The following ZNHIT3 variants were observed in gnomAD, a reference collection of about 807,000 sequenced individuals.
ZNHIT3 encodes zinc finger HIT domain-containing protein 3.
In ZNHIT3, 27 loss-of-function variants were observed where a neutral mutation model predicts 19.9. That is an observed-to-expected ratio of 1.36 (90% CI 1.00 to 1.87). ZNHIT3 has a LOEUF of 1.87. Among genes scored for constraint, ZNHIT3 ranks in the 40% most tolerant of loss-of-function variants. ZNHIT3 has a pLI of 0.00. For missense variants in ZNHIT3, 215 were observed against 185.6 expected, an observed-to-expected ratio of 1.16 and a Z score of -0.92; for synonymous variants, 81 against 65.7, an observed-to-expected ratio of 1.23 and a Z score of -1.13.
chr17:36,492,922 A>G (rs1303322248), intron 3 of ZNHIT3, 23 bp downstream of exon 3: 10 of 1,606,586 alleles, frequency 6.2e-6, no homozygotes, highest in African/African-American at 5.4e-5. Flanking sequence ...ACTTCAAACA[A>G]ATCTACAAGG....
intron 2 of ZNHIT3, chr17:36,489,142 G>GT (rs1037009849): frequency 2.0e-5 from 3 of 152,200 alleles, no homozygotes; most frequent in South Asian, 2.1e-4. Context: ...GGATTTCATG[G>GT]TTTTTTATGG....
intron 2 of ZNHIT3, among the ~76,000 whole-genome samples, chr17:36,487,255 T>G (rs998637704): frequency 6.7e-6 from 1 of 149,686 alleles, no homozygotes; most frequent in Admixed American, 6.7e-5. Context: ...AGAAATAGTT[T>G]CCGATTGCTT....
chr17:36,486,853 G>A (rs2070567313), intron 1 of ZNHIT3, 68 bp downstream of exon 1: 1 of 1,587,012 alleles, frequency 6.3e-7, no homozygotes, highest in Non-Finnish European at 8.6e-7. Flanking sequence ...GGGAGGCCGG[G>A]AGGCCGGGCG....
downstream of ZNHIT3, chr17:36,499,265 C>CTT: frequency 1.4e-6 from 1 of 712,604 alleles, no homozygotes; most frequent in Non-Finnish European, 2.3e-6. Flanking sequence ...GTTTCAAATA[C>CTT]GTTTTTTTTT....
chr17:36,491,536 G>A (rs2070726523), intron 2 of ZNHIT3: 1 of 152,110 alleles, frequency 6.6e-6, no homozygotes, highest in South Asian at 2.1e-4. Context: ...TGGACTCCTG[G>A]GCTTAAGCAG....
rs1246032479 is a variant in ZNHIT3, at chr17:36,494,133, T to G, written c.286+127T>G. 6 of 675,180 alleles carry G rather than the reference T, an allele frequency of 8.9e-6. No homozygotes were observed. In the Admixed American group the frequency reaches 1.5e-4, roughly 17 times the overall value. 41.8% of individuals were successfully genotyped at this position (675,180 alleles called of 1,614,324 possible). ...GTAGGGCTCTTACTATCTAGCCACA[T>G]AATCTGTAAACATACAGGGTTTCAC... On this transcript the variant is annotated intron_variant, in intron 4 of 4. Transcript: ENST00000617429.
At chr17:36,487,532 G>C (rs2070601680) in intron 2 of ZNHIT3, among the ~76,000 whole-genome samples, 1 of 152,228 alleles carries the variant, frequency 6.6e-6, no homozygotes, top group Admixed American at 6.5e-5. Context: ...GGTGGCTCAC[G>C]CCTGTGGTCC....
Position 36,486,945 on chromosome 17 carries a change from GTCTGCT to G in ZNHIT3, c.100_105del (p.Cys34_Phe35del). 1.9e-6 allele frequency: 3 copies of G among 1,611,532 alleles called. No individual in the cohort carries two copies. The highest frequency in any genetic ancestry group is 2.5e-6 in the Non-Finnish European group (3 of 1,179,546). On this transcript the variant is annotated inframe_deletion, in exon 2 of 5. Coordinates refer to ENST00000617429, the MANE Select transcript of ZNHIT3 (RefSeq NM_004773.4). ...CCTCTGTTGTTACAGCTGCTCGGTA[GTCTGCT>G]TCCGGAAGCACAAAGGTGAGCCCCG... is the stretch of plus-strand genomic sequence containing the variant.
Position 36,495,485 on chromosome 17 carries a change from G to GGGGCTGGGGAGCT in ZNHIT3, c.*82_*94dup. Reference sequence around the variant, plus strand: ...CTCCCTCTCCCAGACCAGCTAGTTTGGGGCTGGGGAGCTCAGGCAAAAGAG... The same window carrying GGGGCTGGGGAGCT: ...CTCCCTCTCCCAGACCAGCTAGTTTGGGGCTGGGGAGCTGGGCTGGGGAGCTCAGGCAAAAGAG... On this transcript the variant is annotated 3_prime_UTR_variant, in exon 5 of 5. Transcript: ENST00000617429. 6.9e-7 allele frequency: 1 copy of GGGGCTGGGGAGCT among 1,447,802 alleles called. No individual in the cohort carries two copies. Among genetic ancestry groups the GGGGCTGGGGAGCT allele is most frequent in the Non-Finnish European group, 9.1e-7 (1 of 1,102,852 alleles). The allele number at this position is 1,447,802 out of a possible 1,614,324, so 89.7% of individuals were successfully genotyped here. A position where few individuals can be genotyped will look rare whatever the true frequency, so the allele number is the denominator to read the frequency against.
chr17:36,492,529 A>G (rs2070750475), intron 2 of ZNHIT3: 3 of 411,276 alleles, frequency 7.3e-6, no homozygotes, highest in Non-Finnish European at 1.3e-5. Context: ...GCTATTTCAA[A>G]CACCTCAGTT....
intron 2 of ZNHIT3, among the ~76,000 whole-genome samples, chr17:36,487,652 G>A (rs562272830): frequency 1.3e-5 from 2 of 152,058 alleles, no homozygotes; most frequent in African/African-American, 4.8e-5. Context: ...AAATTAGGCG[G>A]GCGAGGTGCG....
At position 36,486,921 on chromosome 17, in the gene ZNHIT3, C is replaced by T. The variant is rs749525653; in HGVS notation, c.87-14C>T. ...CCTCGGGGCTGACGCGGCCTGTGGC[C>T]TCTGTTGTTACAGCTGCTCGGTAGT... On this transcript the variant is annotated splice_polypyrimidine_tract_variant and intron_variant, in intron 1 of 4. Transcript: ENST00000617429. 38 of 1,608,654 alleles carry T rather than the reference C, an allele frequency of 2.4e-5. No individual in the cohort carries two copies. Among genetic ancestry groups the T allele is most frequent in the Non-Finnish European group, 3.0e-5 (35 of 1,178,692 alleles).
At chr17:36,493,670 A>G (rs2070777791) in intron 3 of ZNHIT3, among the ~76,000 whole-genome samples, 1 of 152,252 alleles carries the variant, frequency 6.6e-6, no homozygotes, top group Admixed American at 6.5e-5. Flanking sequence ...AGGACCACAT[A>G]TACAGTAAGG....
intron 2 of ZNHIT3, among the ~76,000 whole-genome samples, chr17:36,487,392 A>C (rs1281575556): frequency 6.6e-6 from 1 of 152,226 alleles, no homozygotes; most frequent in East Asian, 1.9e-4. Context: ...GTTAGAAACA[A>C]AGAGGTAAGT....
chr17:36,497,413 G>A (rs2071089108), downstream of ZNHIT3, among the ~76,000 whole-genome samples: 1 of 151,862 alleles, frequency 6.6e-6, no homozygotes, highest in Non-Finnish European at 1.5e-5. Flanking sequence ...ATACAATTTG[G>A]GGAAAACATG....
downstream of ZNHIT3, chr17:36,499,104 CTG>C (rs866388163): frequency 9.3e-6 from 15 of 1,610,516 alleles, no homozygotes; most frequent in Admixed American, 1.7e-5. Flanking sequence ...CGCTTGATGA[CTG>C]TGGCAGCTGC....
chr17:36,486,834 C>A (rs576252506), intron 1 of ZNHIT3, 49 bp downstream of exon 1: 2 of 801,716 alleles, frequency 2.5e-6, no homozygotes, highest in East Asian at 1.1e-4. Flanking sequence ...CCGGCCATGG[C>A]GGGAGGGCGG....
chr17:36,498,994 C>A, downstream of ZNHIT3: 1 of 1,150,258 alleles, frequency 8.7e-7, no homozygotes, highest in Non-Finnish European at 1.3e-6. Flanking sequence ...ATTGCAGTGG[C>A]AGAGCCAGCA....
At chr17:36,499,130 ATG>A (rs1329420714), downstream of ZNHIT3, 1 of 1,609,744 alleles carries the variant, frequency 6.2e-7, no homozygotes, top group Non-Finnish European at 8.5e-7. Flanking sequence ...CAGCCTCTGG[ATG>A]TGTTTCCGAG....
Sources: allele counts gnomAD v4.1 joint callset (sites outside exome capture counted in the v4.1 genomes callset), GRCh38; gene constraint gnomAD v4.1.1; transcripts MANE v1.5; gene names NCBI Gene and HGNC (gene_info 2026-07-23, HGNC 2026-07-21).